HELLS: variants seen among roughly 807,000 people sequenced by gnomAD.
The protein encoded by HELLS is helicase, lymphoid specific.
A neutral mutation model predicts 120.0 loss-of-function variants in HELLS; 32 were observed. The observed-to-expected ratio is 0.27, with a 90% CI of 0.20 to 0.36. The LOEUF is 0.36. HELLS is among the 10% of genes least tolerant of loss of function. HELLS has a pLI of 1.00. For synonymous variants in HELLS, 341 were observed against 323.4 expected, an observed-to-expected ratio of 1.05 and a Z score of -0.58; for missense variants, 650 against 993.4, an observed-to-expected ratio of 0.65 and a Z score of 4.65.
intron 2 of HELLS, among the ~76,000 whole-genome samples, chr10:94,553,593 T>A (rs188766426): frequency 7.7e-4 from 113 of 145,904 alleles, no homozygotes; most frequent in African/African-American, 2.7e-3. Flanking sequence ...TTGCTCTTGT[T>A]TGGAGTGCAG....
chr10:94,599,189 G>A (rs1414143696), intron 21 of HELLS, among the ~76,000 whole-genome samples: 1 of 152,076 alleles, frequency 6.6e-6, no homozygotes, highest in Non-Finnish European at 1.5e-5. Flanking sequence ...GAGACATACA[G>A]CATCATGGTC....
chr10:94,595,457 A>G (rs1359077089), intron 19 of HELLS, among the ~76,000 whole-genome samples: 1 of 152,228 alleles, frequency 6.6e-6, no homozygotes, highest in Non-Finnish European at 1.5e-5. Flanking sequence ...TGCAAGTTCC[A>G]TGTATTAAAA....
chr10:94,577,162 A>G (rs1265721639), intron 10 of HELLS: 2 of 394,676 alleles, frequency 5.1e-6, no homozygotes, highest in Non-Finnish European at 9.6e-6. Context: ...AAGACAAGTT[A>G]TTTTTAGAGT....
In HELLS at chr10:94,546,383, A is replaced by C. The variant is rs779737193; in HGVS notation, c.38A>C (p.Glu13Ala). 4 of 1,614,100 alleles carry C rather than the reference A, an allele frequency of 2.5e-6. No individual in the cohort carries two copies. The highest frequency in any genetic ancestry group is 3.4e-6 in the Non-Finnish European group (4 of 1,180,030). Reference protein sequence around the residue: ...AERPAGSGGSEAPAMVEQLDT... With the variant: ...AERPAGSGGSAAPAMVEQLDT... ...AAGCTTTCTCCCCCGTCAGGCTCGG[A>C]GGCTCCAGCAATGGTTGAACAACTG... The change falls in exon 2 of 22, where the codon GAG becomes GCG. Residue 13 changes from glutamate to alanine, a missense_variant. Around this residue, in one of 9 missense-constraint regions of HELLS, gnomAD observed 90 missense variants for 93.6 expected, o/e 0.96. Transcript: ENST00000348459.
intron 19 of HELLS, among the ~76,000 whole-genome samples, chr10:94,596,540 C>T (rs1845748251): frequency 6.6e-6 from 1 of 151,872 alleles, no homozygotes; most frequent in East Asian, 1.9e-4. Flanking sequence ...TCCTGTTGGT[C>T]GACATTTAAA....
At chr10:94,613,803 A>G (rs1846217961) in exon 10 of HELLS, 2 of 152,176 alleles carry the variant, frequency 1.3e-5, no homozygotes. Flanking sequence ...AATTTAGTGA[A>G]TGCTTCCAGT....
At chr10:94,609,647 T>C (rs908076370) in intron 9 of HELLS, among the ~76,000 whole-genome samples, 3 of 152,190 alleles carry the variant, frequency 2.0e-5, no homozygotes, top group Non-Finnish European at 4.4e-5. Flanking sequence ...AACACTAAAA[T>C]TATTCTGTCT....
intron 7 of HELLS, among the ~76,000 whole-genome samples, chr10:94,571,749 T>C (rs1214647055): frequency 6.6e-6 from 1 of 152,240 alleles, no homozygotes; most frequent in African/African-American, 2.4e-5. Context: ...AATCATCTTA[T>C]GGAAGCTGTG....
intron 12 of HELLS, among the ~76,000 whole-genome samples, chr10:94,585,213 A>T (rs961873868): frequency 2.3e-4 from 35 of 151,784 alleles, no homozygotes; most frequent in African/African-American, 8.0e-4. Context: ...ATTATTTAAA[A>T]TTTTTTATTT....
chr10:94,601,515 G>A lies in HELLS; in HGVS notation c.2423-13G>A, dbSNP rs755425777. 2 of 1,326,878 alleles carry A rather than the reference G, an allele frequency of 1.5e-6. No homozygotes were observed. The highest frequency in any genetic ancestry group is 2.2e-6 in the Non-Finnish European group (2 of 929,744). The allele number at this position is 1,326,878 out of a possible 1,614,324, so 82.2% of individuals were successfully genotyped here. ...ACTTCTAAAATGTACCTGTTTTAAT[G>A]TTTTTCCCTTAGATCAAATGAATGC... is the stretch of plus-strand genomic sequence containing the variant. On this transcript the variant is annotated splice_polypyrimidine_tract_variant and intron_variant, in intron 21 of 21. Coordinates refer to ENST00000348459, the MANE Select transcript of HELLS (RefSeq NM_018063.5).
At chr10:94,589,273 C>T (rs188992795) in intron 13 of HELLS, among the ~76,000 whole-genome samples, 12 of 152,314 alleles carry the variant, frequency 7.9e-5, no homozygotes, top group African/African-American at 2.6e-4. Context: ...AATCCCTGTA[C>T]TAAGGACTTG....
intron 9 of HELLS, among the ~76,000 whole-genome samples, chr10:94,609,650 T>C (rs940861389): frequency 6.6e-6 from 1 of 152,226 alleles, no homozygotes; most frequent in Non-Finnish European, 1.5e-5. Context: ...ACTAAAATTA[T>C]TCTGTCTGGG....
intron 6 of HELLS, among the ~76,000 whole-genome samples, chr10:94,567,294 C>G (rs1162330401): frequency 6.6e-6 from 1 of 151,970 alleles, no homozygotes; most frequent in Non-Finnish European, 1.5e-5. Context: ...GTTTTTTATT[C>G]TTTATTTCCA....
chr10:94,550,532 G>T lies in HELLS; in HGVS notation c.154-3594G>T, dbSNP rs187578818. 4.5e-3 allele frequency among the ~76,000 whole-genome samples: 682 copies of T among 152,008 alleles called. 5 individuals are homozygous for T. The highest frequency in any genetic ancestry group is 7.5e-3 in the Non-Finnish European group (510 of 67,940). Reference sequence around the variant, plus strand: ...CCTGACATCGTGATCTGCCTTCCTCGACCTCCCAAAGTGCCAGGATTACAG... The same window carrying T: ...CCTGACATCGTGATCTGCCTTCCTCTACCTCCCAAAGTGCCAGGATTACAG... On this transcript the variant is annotated intron_variant, in intron 2 of 21. Coordinates refer to ENST00000348459, the MANE Select transcript of HELLS (RefSeq NM_018063.5).
chr10:94,564,569 G>T (rs1364823804), intron 6 of HELLS, among the ~76,000 whole-genome samples: 1 of 152,026 alleles, frequency 6.6e-6, no homozygotes, highest in Non-Finnish European at 1.5e-5. Flanking sequence ...AGCATCTTCA[G>T]TTCTGACAAA....
exon 10 of HELLS, chr10:94,613,247 T>C (rs1413833942): frequency 6.6e-6 from 1 of 152,250 alleles, no homozygotes; most frequent in African/African-American, 2.4e-5. Context: ...GCCTAATTTT[T>C]GCCATTCTCA....
intron 3 of HELLS, among the ~76,000 whole-genome samples, chr10:94,557,733 T>C (rs372613211): frequency 8.7e-4 from 133 of 152,342 alleles, no homozygotes; most frequent in African/African-American, 3.1e-3. Context: ...ACCCTGGGAA[T>C]GCTACTGCTC....
At chr10:94,590,121 C>G (rs1845407112) in intron 13 of HELLS, among the ~76,000 whole-genome samples, 1 of 152,110 alleles carries the variant, frequency 6.6e-6, no homozygotes, top group Non-Finnish European at 1.5e-5. Flanking sequence ...GAAGAAATAT[C>G]CTCTGTACTG....
intron 2 of HELLS, among the ~76,000 whole-genome samples, chr10:94,550,071 C>T (rs188838761): frequency 6.6e-6 from 1 of 152,114 alleles, no homozygotes; most frequent in Admixed American, 6.5e-5. Flanking sequence ...CAGGCATGTG[C>T]CGCCAAGCCT....
Sources: gnomAD v4.1 joint callset for allele counts (sites outside exome capture counted in the v4.1 genomes callset) on GRCh38, gnomAD v4.1.1 for gene constraint, gnomAD v4.1.1 regional missense constraint, MANE v1.5 for transcripts, NCBI Gene and HGNC (gene_info 2026-07-23, HGNC 2026-07-21) for gene names.